The following PLA2G6 variants were observed in gnomAD, a reference collection of about 807,000 sequenced individuals.
PLA2G6 encodes the protein 85/88 kDa calcium-independent phospholipase A2.
In PLA2G6, 62 loss-of-function variants were observed where a neutral mutation model predicts 83.8. That is an observed-to-expected ratio of 0.74 (90% CI 0.60 to 0.91). The LOEUF (loss-of-function observed/expected upper bound fraction) is 0.91, where lower values mean the gene tolerates loss of function less well. PLA2G6 is among the 40% of genes least tolerant of loss of function. The probability of loss-of-function intolerance (pLI) is 0.00; values close to 1 mark genes in which losing one functional copy is unlikely to be tolerated. For missense variants in PLA2G6, 944 were observed against 1,102.0 expected (o/e 0.86, Z 2.03); for synonymous variants, 417 against 449.8 (o/e 0.93, Z 0.92).
chr22:38,142,373 AT>A (rs1359888290), intron 4 of PLA2G6: 1 of 153,438 alleles, frequency 6.5e-6, no homozygotes, highest in African/African-American at 2.4e-5. Flanking sequence ...TAGCTATTTA[AT>A]AGTATCACCC....
At chr22:38,176,853 C>T (rs890812485) in intron 1 of PLA2G6, among the ~76,000 whole-genome samples, 1 of 151,792 alleles carries the variant, frequency 6.6e-6, no homozygotes, top group Non-Finnish European at 1.5e-5. Context: ...GCCTGGCCAA[C>T]GTGTGAGAAA....
chr22:38,121,000 T>C lies in PLA2G6; in HGVS notation c.1592-91A>G, dbSNP rs1602089193. 1.5e-5 allele frequency: 22 copies of C among 1,497,754 alleles called. No individual in the cohort carries two copies. The South Asian group carries it at 2.3e-4, about 16-fold the overall frequency. 92.8% of individuals were successfully genotyped at this position (1,497,754 alleles called of 1,614,324 possible). ...CTGCAGAGCGCCTGAACGCAGGAGG[T>C]GGCAGGAGGAAGCGGGTTTACCGAG... On this transcript the variant is annotated intron_variant, in intron 11 of 16. Transcript: ENST00000332509.
intron 12 of PLA2G6, among the ~76,000 whole-genome samples, chr22:38,120,008 T>TG (rs1473938969): frequency 6.6e-6 from 1 of 152,128 alleles, no homozygotes; most frequent in African/African-American, 2.4e-5. Flanking sequence ...TCCCTGGCCT[T>TG]GGACCCTAGG....
At chr22:38,119,999 C>A (rs1010276340) in intron 12 of PLA2G6, among the ~76,000 whole-genome samples, 4 of 152,106 alleles carry the variant, frequency 2.6e-5, no homozygotes, top group Admixed American at 1.3e-4. Context: ...GATTGAAGGT[C>A]CCTGGCCTTG....
intron 10 of PLA2G6, chr22:38,125,814 G>T (rs574405515): frequency 4.6e-6 from 2 of 431,896 alleles, no homozygotes; most frequent in Middle Eastern, 3.5e-4. Flanking sequence ...GGCTGGAAAC[G>T]CATTTGTCCT....
At chr22:38,180,790 A>G in intron 1 of PLA2G6, among the ~76,000 whole-genome samples, 1 of 152,232 alleles carries the variant, frequency 6.6e-6, no homozygotes, top group African/African-American at 2.4e-5. Context: ...CAGGAGGTAC[A>G]GTTCCCCTGT....
At chr22:38,153,550 C>T (rs2089659287) in intron 2 of PLA2G6, among the ~76,000 whole-genome samples, 1 of 151,516 alleles carries the variant, frequency 6.6e-6, no homozygotes, top group South Asian at 2.1e-4. Context: ...GCTGGAGAAT[C>T]GCTTGAACCC....
intron 2 of PLA2G6, among the ~76,000 whole-genome samples, chr22:38,160,538 G>T (rs956858694): frequency 9.2e-5 from 14 of 152,162 alleles, no homozygotes; most frequent in African/African-American, 3.1e-4. Flanking sequence ...TGCTAACAAA[G>T]AAGCCAGATA....
intron 15 of PLA2G6, 61 bp from the exon 16 acceptor site, chr22:38,112,638 C>G: frequency 2.9e-6 from 4 of 1,393,020 alleles, no homozygotes; most frequent in Non-Finnish European, 4.0e-6. Flanking sequence ...GCACCCCGCC[C>G]GGCCCTGCCC....
intron 11 of PLA2G6, 196 bp from the exon 12 acceptor site, chr22:38,121,105 T>A (rs922767733): frequency 8.6e-6 from 5 of 581,864 alleles, no homozygotes; most frequent in African/African-American, 1.9e-5. Context: ...CGGCTGGACA[T>A]GGTGGCTCGC....
intron 3 of PLA2G6, chr22:38,144,286 A>C (rs1265630776): frequency 6.6e-6 from 1 of 151,516 alleles, no homozygotes; most frequent in Non-Finnish European, 1.5e-5. Flanking sequence ...CCCCTCTTTC[A>C]CCCTCTCTGG....
chr22:38,159,774 A>G (rs1373053295), intron 2 of PLA2G6, among the ~76,000 whole-genome samples: 1 of 150,910 alleles, frequency 6.6e-6, no homozygotes, highest in Non-Finnish European at 1.5e-5. Context: ...ATCTTCAACA[A>G]TTTTTAGAAA....
intron 8 of PLA2G6, 39 bp downstream of exon 8, chr22:38,129,415 C>A (rs765433063): frequency 4.3e-6 from 6 of 1,409,430 alleles, no homozygotes; most frequent in Non-Finnish European, 6.0e-6. Flanking sequence ...ATCCACCCAA[C>A]CCTCACCCCA....
intron 5 of PLA2G6, 200 bp from the exon 6 acceptor site, chr22:38,135,284 C>A (rs184900474): frequency 3.4e-5 from 20 of 584,124 alleles, no homozygotes; most frequent in Middle Eastern, 9.3e-4. Context: ...CTCCAGGAAG[C>A]CTTCCTGATG....
chr22:38,180,596 G>A (rs1259996575), intron 1 of PLA2G6, among the ~76,000 whole-genome samples: 2 of 152,112 alleles, frequency 1.3e-5, no homozygotes, highest in East Asian at 3.9e-4. Context: ...GAAAGACAAG[G>A]GACCTCCTGC....
chr22:38,130,370 T>A lies in PLA2G6; in HGVS notation c.1078-808A>T, dbSNP rs887645134. On this transcript the variant is annotated intron_variant, in intron 7 of 16. Coordinates refer to ENST00000332509, the MANE Select transcript of PLA2G6 (RefSeq NM_003560.4). Reference sequence around the variant, plus strand: ...TCTCACTCTGTCACCCAGGCTGGAGTGCAGTGGCGTGATCTCAGCTCACTG... The same window carrying A: ...TCTCACTCTGTCACCCAGGCTGGAGAGCAGTGGCGTGATCTCAGCTCACTG... 2.6e-5 allele frequency: 4 copies of A among 154,474 alleles called. 1 individual carries two copies. Among genetic ancestry groups the A allele is most frequent in the African/African-American group, 9.7e-5 (4 of 41,450 alleles). The allele number at this position is 154,474 out of a possible 1,614,324, so 9.6% of individuals were successfully genotyped here.
rs765446322 is a variant in PLA2G6, at chr22:38,112,203, G to A, written c.2379C>T (p.Arg793=). 1.2e-5 allele frequency: 19 copies of A among 1,606,638 alleles called. No homozygotes were observed. The Admixed American group carries it at 1.9e-4, about 16-fold the overall frequency. The change falls in exon 17 of 17, where the codon CGC becomes CGT. Residue 793 remains arginine (R), a synonymous_variant. Transcript: ENST00000332509. ...WETEVYIYEH[R]EEFQKLIQLL... is the part of the protein sequence containing the mutation. ...GCTGGATGAGCTTCTGGAACTCCTC[G>A]CGGTGCTCATAGATGTAGACCTCGG... is the stretch of plus-strand genomic sequence containing the variant.
Position 38,135,009 on chromosome 22 carries a change from G to T in PLA2G6, c.873C>A (p.Leu291=). 1.2e-6 allele frequency: 2 copies of T among 1,613,112 alleles called. No homozygotes were observed. The highest frequency in any genetic ancestry group is 1.7e-6 in the Non-Finnish European group (2 of 1,179,400). Residue 291 remains leucine (L), a synonymous_variant, in exon 6 of 17, where the codon CTC becomes CTA. Transcript: ENST00000332509. ...SKDPRYGASP[L]HWAKNAEMAR... is the part of the protein sequence containing the mutation. The stretch of plus-strand genomic sequence containing the variant: ...TCACCTCTGCGTTCTTGGCCCAGTG[G>T]AGGGGGCTGGCTCCGTAACGGGGGT...
chr22:38,148,721 G>A (rs905385441), intron 2 of PLA2G6: 5 of 563,066 alleles, frequency 8.9e-6, no homozygotes, highest in Non-Finnish European at 1.3e-5. Context: ...ACACAGACAC[G>A]CTCTCACAGA....
Sources: gnomAD v4.1 joint callset for allele counts (sites outside exome capture counted in the v4.1 genomes callset) on GRCh38, gnomAD v4.1.1 for gene constraint, MANE v1.5 for transcripts, NCBI Gene and HGNC (gene_info 2026-07-23, HGNC 2026-07-21) for gene names.